CSMD3: variants seen among roughly 807,000 people sequenced by gnomAD.
The protein encoded by CSMD3 is CUB and Sushi multiple domains 3.
In CSMD3, 177 loss-of-function variants were observed where a neutral mutation model predicts 435.2. That is an observed-to-expected ratio of 0.41 (90% confidence interval 0.36 to 0.46). The LOEUF (loss-of-function observed/expected upper bound fraction) is 0.46. Ranked by LOEUF, CSMD3 falls within the 20% of genes least tolerant of loss-of-function variation. The probability of loss-of-function intolerance (pLI) is 0.34; values close to 1 mark genes in which losing one functional copy is unlikely to be tolerated. For synonymous variants in CSMD3, 1,656 were observed against 1,520.5 expected, an observed-to-expected ratio of 1.09 and a Z score of -2.07; for missense variants, 4,265 against 4,504.6, an observed-to-expected ratio of 0.95 and a Z score of 1.52.
At chr8:113,212,917 A>G (rs1028621654) in intron 3 of CSMD3, among the ~76,000 whole-genome samples, 85 of 150,104 alleles carry the variant, frequency 5.7e-4, no homozygotes, top group Non-Finnish European at 1.1e-3. Flanking sequence ...TAAAAAAAAA[A>G]AAAGAAAATC....
chr8:112,800,119 G>A (rs2078926091), intron 13 of CSMD3, 43 bp downstream of exon 13: 2 of 1,245,220 alleles, frequency 1.6e-6, no homozygotes, highest in East Asian at 4.7e-5. Flanking sequence ...ATATTCTCTG[G>A]TGGTATTAAG....
At chr8:112,818,847 T>G (rs1025411300) in intron 12 of CSMD3, among the ~76,000 whole-genome samples, 1 of 152,214 alleles carries the variant, frequency 6.6e-6, no homozygotes, top group Admixed American at 6.6e-5. Context: ...TCAACATTTC[T>G]AGAGCCATTT....
intron 11 of CSMD3, among the ~76,000 whole-genome samples, chr8:112,843,885 TATATTA>T (rs1282245305): frequency 6.6e-6 from 1 of 151,904 alleles, no homozygotes; most frequent in Non-Finnish European, 1.5e-5. Context: ...TGTTTTAATT[TATATTA>T]ATATTATTAT....
intron 26 of CSMD3, 146 bp from the exon 27 acceptor site, chr8:112,551,019 TAATATA>T (rs1237204941): frequency 3.1e-6 from 2 of 636,700 alleles, no homozygotes; most frequent in African/African-American, 3.7e-5. Flanking sequence ...CATATATTCT[TAATATA>T]TTTTTCTTGA....
At chr8:112,689,780 T>TG in intron 14 of CSMD3, 88 bp downstream of exon 14, 1 of 1,117,958 alleles carries the variant, frequency 8.9e-7, no homozygotes, top group Non-Finnish European at 1.4e-6. Flanking sequence ...ATTACACGGT[T>TG]GCAGCTCTTT....
chr8:113,339,210 C>T (rs2094100075), intron 1 of CSMD3, among the ~76,000 whole-genome samples: 2 of 151,848 alleles, frequency 1.3e-5, no homozygotes, highest in African/African-American at 4.8e-5. Context: ...CCTTTCTCTT[C>T]CTCCGCCTCA....
At chr8:112,533,057 G>T (rs1825693220) in intron 27 of CSMD3, among the ~76,000 whole-genome samples, 1 of 151,912 alleles carries the variant, frequency 6.6e-6, no homozygotes, top group Admixed American at 6.6e-5. Flanking sequence ...AAAATAACTT[G>T]TACAACTAAA....
intron 5 of CSMD3, among the ~76,000 whole-genome samples, chr8:113,025,945 C>A (rs1288552242): frequency 6.6e-6 from 1 of 152,122 alleles, no homozygotes; most frequent in African/African-American, 2.4e-5. Context: ...TAGCACATCA[C>A]GATGGATAAA....
chr8:112,499,977 C>T (rs1315518015), intron 30 of CSMD3, among the ~76,000 whole-genome samples: 1 of 152,004 alleles, frequency 6.6e-6, no homozygotes, highest in Admixed American at 6.6e-5. Context: ...GGCATGGTGG[C>T]TCATGCCTGT....
At chr8:112,380,673 T>C (rs2131237332) in intron 37 of CSMD3, among the ~76,000 whole-genome samples, 1 of 152,290 alleles carries the variant, frequency 6.6e-6, no homozygotes, top group Non-Finnish European at 1.5e-5. Flanking sequence ...TGGCTTTAGA[T>C]TGCTTCCTAA....
chr8:113,351,175 G>A (rs1208150882), intron 1 of CSMD3, among the ~76,000 whole-genome samples: 2 of 152,092 alleles, frequency 1.3e-5, no homozygotes, highest in Non-Finnish European at 2.9e-5. Flanking sequence ...AGAAAACTGA[G>A]TGTTTGTTGG....
At chr8:112,768,622 A>C (rs1265855247) in intron 13 of CSMD3, among the ~76,000 whole-genome samples, 1 of 151,956 alleles carries the variant, frequency 6.6e-6, no homozygotes, top group Non-Finnish European at 1.5e-5. Context: ...TGGACTGCTC[A>C]CGTACAGCTT....
At chr8:113,225,559 GA>G (rs986606641) in intron 3 of CSMD3, among the ~76,000 whole-genome samples, 2 of 151,218 alleles carry the variant, frequency 1.3e-5, no homozygotes, top group Non-Finnish European at 3.0e-5. Context: ...TAAATGACGA[GA>G]GAAAAAAAAT....
At chr8:112,513,657 G>C (rs1020161892) in intron 28 of CSMD3, among the ~76,000 whole-genome samples, 1 of 152,194 alleles carries the variant, frequency 6.6e-6, no homozygotes, top group Non-Finnish European at 1.5e-5. Flanking sequence ...ATTAGGACTT[G>C]CTTGGCACAG....
At chr8:113,319,856 C>T (rs1430509971) in intron 1 of CSMD3, among the ~76,000 whole-genome samples, 2 of 152,024 alleles carry the variant, frequency 1.3e-5, no homozygotes, top group East Asian at 3.8e-4. Flanking sequence ...GCTCATTGTT[C>T]TCATAAATCT....
chr8:113,264,933 T>G (rs2093457334), intron 3 of CSMD3, among the ~76,000 whole-genome samples: 1 of 151,628 alleles, frequency 6.6e-6, no homozygotes, highest in Non-Finnish European at 1.5e-5. Flanking sequence ...CAGCTGAGTT[T>G]AACAAGCATT....
chr8:112,887,183 T>C (rs1279634638), intron 10 of CSMD3, among the ~76,000 whole-genome samples: 1 of 148,466 alleles, frequency 6.7e-6, no homozygotes, highest in East Asian at 2.0e-4. Flanking sequence ...TAAGTGTTTG[T>C]TGTTACAATT....
At chr8:112,732,738 T>C (rs924695363) in intron 13 of CSMD3, among the ~76,000 whole-genome samples, 1 of 151,438 alleles carries the variant, frequency 6.6e-6, no homozygotes, top group South Asian at 2.1e-4. Flanking sequence ...AGAATAGATA[T>C]TGTCCGAATA....
At chr8:113,134,769 A>C (rs2091372202) in intron 4 of CSMD3, among the ~76,000 whole-genome samples, 1 of 152,022 alleles carries the variant, frequency 6.6e-6, no homozygotes, top group Non-Finnish European at 1.5e-5. Flanking sequence ...ACCTGAGGTT[A>C]GGTAATTAAT....
Sources: allele counts gnomAD v4.1 joint callset (sites outside exome capture counted in the v4.1 genomes callset), GRCh38; gene constraint gnomAD v4.1.1; transcripts MANE v1.5; gene names NCBI Gene and HGNC (gene_info 2026-07-23, HGNC 2026-07-21).